SIL1: variants seen among roughly 807,000 people sequenced by gnomAD.
SIL1 encodes the protein nucleotide exchange factor SIL1.
Under a neutral mutation model 49.1 loss-of-function variants are expected in SIL1, and 40 were observed. The observed-to-expected ratio is 0.81, with a 90% confidence interval of 0.63 to 1.06. The LOEUF is 1.06. Ranked by LOEUF, SIL1 falls within the 50% of genes least tolerant of loss-of-function variation. SIL1 has a pLI of 0.00. For synonymous variants in SIL1, 253 were observed against 250.8 expected, an observed-to-expected ratio of 1.01 and a Z score of -0.08; for missense variants, 500 against 572.6, an observed-to-expected ratio of 0.87 and a Z score of 1.29.
At chr5:139,044,404 G>C (rs562433799) in intron 4 of SIL1, among the ~76,000 whole-genome samples, 1 of 151,938 alleles carries the variant, frequency 6.6e-6, no homozygotes, top group Non-Finnish European at 1.5e-5. Flanking sequence ...CTCTGTTTAC[G>C]CCTTAAGTCT....
chr5:139,000,924 A>T (rs898422794), intron 7 of SIL1, among the ~76,000 whole-genome samples: 4 of 151,894 alleles, frequency 2.6e-5, no homozygotes. Context: ...ATGCCAACTA[A>T]AACATAAACA....
intron 3 of SIL1, among the ~76,000 whole-genome samples, chr5:139,081,478 A>G (rs1770077798): frequency 6.6e-6 from 1 of 152,214 alleles, no homozygotes; most frequent in Non-Finnish European, 1.5e-5. Context: ...CATGACAAAG[A>G]GCTCAAGAAA....
At chr5:138,955,176 C>T (rs1426759238) in intron 7 of SIL1, among the ~76,000 whole-genome samples, 9 of 152,164 alleles carry the variant, frequency 5.9e-5, no homozygotes, top group African/African-American at 2.2e-4. Flanking sequence ...GGGCCTGGCA[C>T]GCCTCAAAGT....
chr5:139,104,080 G>A (rs184624151), intron 3 of SIL1, among the ~76,000 whole-genome samples: 23 of 152,344 alleles, frequency 1.5e-4, no homozygotes, highest in African/African-American at 5.3e-4. Context: ...GCCACACCTG[G>A]TCTGGTCCAG....
At chr5:138,971,446 C>T (rs1767267363) in intron 7 of SIL1, among the ~76,000 whole-genome samples, 1 of 151,294 alleles carries the variant, frequency 6.6e-6, no homozygotes, top group African/African-American at 2.4e-5. Flanking sequence ...CTTCAAACAG[C>T]TCCACTTAGG....
At chr5:139,010,539 C>T (rs2150419094) in intron 7 of SIL1, among the ~76,000 whole-genome samples, 1 of 152,264 alleles carries the variant, frequency 6.6e-6, no homozygotes, top group South Asian at 2.1e-4. Context: ...GAGAGGCGCT[C>T]TGATTTTTAG....
At chr5:138,978,209 C>T (rs1056898275) in intron 7 of SIL1, among the ~76,000 whole-genome samples, 7 of 148,426 alleles carry the variant, frequency 4.7e-5, no homozygotes, top group East Asian at 2.1e-4. Context: ...TAGTGCCCCC[C>T]GCAACTCTCC....
chr5:138,999,156 C>A (rs189159491), intron 7 of SIL1, among the ~76,000 whole-genome samples: 1 of 152,050 alleles, frequency 6.6e-6, no homozygotes, highest in African/African-American at 2.4e-5. Context: ...CATGCCCGGC[C>A]GAGGATTATC....
chr5:138,979,993 C>G (rs1425254177), intron 7 of SIL1, among the ~76,000 whole-genome samples: 6 of 152,164 alleles, frequency 3.9e-5, no homozygotes, highest in Non-Finnish European at 8.8e-5. Context: ...GGGGACAACT[C>G]AGGCAAAAGG....
Position 138,979,097 on chromosome 5 carries a change from C to T in SIL1, c.768-27213G>A, listed in dbSNP as rs575821230. 5.9e-5 allele frequency among the ~76,000 whole-genome samples: 9 copies of T among 151,560 alleles called. No individual in the cohort carries two copies. The South Asian group carries it at 6.2e-4, about 10-fold the overall frequency. On this transcript the variant is annotated intron_variant, in intron 7 of 9. Coordinates refer to ENST00000394817, the MANE Select transcript of SIL1 (RefSeq NM_022464.5). Reference sequence around the variant, plus strand: ...TTATTTTTTTTTTGAGAAGGAGTCTCGCTCTGTCGCCAGGCTGGAGTGCAG... The same window carrying T: ...TTATTTTTTTTTTGAGAAGGAGTCTTGCTCTGTCGCCAGGCTGGAGTGCAG...
At chr5:139,185,265 C>G (rs754085596) in intron 1 of SIL1, among the ~76,000 whole-genome samples, 1 of 152,200 alleles carries the variant, frequency 6.6e-6, no homozygotes. Flanking sequence ...AGGCTGGTTC[C>G]TGCCTGGTGC....
intron 1 of SIL1, among the ~76,000 whole-genome samples, chr5:139,131,036 T>C (rs988856356): frequency 6.6e-6 from 1 of 152,212 alleles, no homozygotes; most frequent in Non-Finnish European, 1.5e-5. Context: ...AATATTCTAG[T>C]AAACTAGGAT....
At chr5:139,129,416 G>A (rs1750817201) in intron 1 of SIL1, among the ~76,000 whole-genome samples, 1 of 152,196 alleles carries the variant, frequency 6.6e-6, no homozygotes, top group African/African-American at 2.4e-5. Flanking sequence ...CAGGTGTGGT[G>A]GCTCACGCCT....
chr5:139,060,802 T>A (rs1561847255), intron 3 of SIL1, among the ~76,000 whole-genome samples: 1 of 152,114 alleles, frequency 6.6e-6, no homozygotes, highest in Non-Finnish European at 1.5e-5. Flanking sequence ...GAACTAAGGC[T>A]CAGGGCCTAG....
chr5:138,946,802 A>C lies in SIL1; in HGVS notation c.*315T>G. The C allele has an allele frequency of 2.3e-6, 1 of 429,438 alleles. No individual in the cohort carries two copies. Among genetic ancestry groups the C allele is most frequent in the Non-Finnish European group, 4.4e-6 (1 of 229,632 alleles). 26.6% of individuals were successfully genotyped at this position (429,438 alleles called of 1,614,324 possible). A position where few individuals can be genotyped will look rare whatever the true frequency, so the allele number is the denominator to read the frequency against. On this transcript the variant is annotated 3_prime_UTR_variant, in exon 10 of 10. Coordinates refer to ENST00000394817, the MANE Select transcript of SIL1 (RefSeq NM_022464.5). ...GAGCAATTAAGCGACTTCCCAAGGTACAGAGCTGCTGCTTGGTAAGAAGCA... is the reference window on the plus strand; with the variant it reads ...GAGCAATTAAGCGACTTCCCAAGGTCCAGAGCTGCTGCTTGGTAAGAAGCA...
intron 7 of SIL1, among the ~76,000 whole-genome samples, chr5:139,010,461 C>G (rs1192723521): frequency 1.3e-5 from 2 of 152,206 alleles, no homozygotes; most frequent in African/African-American, 2.4e-5. Context: ...CTTCTCTCAG[C>G]TCGTCAAAGT....
At chr5:139,173,890 C>T (rs1751827872) in intron 1 of SIL1, among the ~76,000 whole-genome samples, 2 of 149,274 alleles carry the variant, frequency 1.3e-5, no homozygotes, top group Non-Finnish European at 1.5e-5. Flanking sequence ...ACCCAGGAGG[C>T]GGAGCTTGCA....
intron 7 of SIL1, among the ~76,000 whole-genome samples, chr5:138,995,711 C>G (rs1196022381): frequency 6.6e-6 from 1 of 152,210 alleles, no homozygotes; most frequent in Admixed American, 6.5e-5. Context: ...TCTTCATCTC[C>G]TCTTTCCCCT....
chr5:139,018,776 T>C (rs1768456416), intron 7 of SIL1, among the ~76,000 whole-genome samples: 1 of 152,190 alleles, frequency 6.6e-6, no homozygotes, highest in Non-Finnish European at 1.5e-5. Flanking sequence ...TGATACCATC[T>C]TGTCACTGAC....
Sources: gnomAD v4.1 joint callset for allele counts (sites outside exome capture counted in the v4.1 genomes callset) on GRCh38, gnomAD v4.1.1 for gene constraint, MANE v1.5 for transcripts, NCBI Gene and HGNC (gene_info 2026-07-23, HGNC 2026-07-21) for gene names.